Variants in CPE observed in about 807,000 individuals in gnomAD.
The protein encoded by CPE is carbocypeptidase E.
A neutral mutation model predicts 53.5 loss-of-function variants in CPE; 17 were observed. That is an observed-to-expected ratio of 0.32 (90% CI 0.22 to 0.48). The LOEUF is 0.48. Ranked by LOEUF, CPE falls within the 20% of genes least tolerant of loss-of-function variation. The pLI, the probability that CPE is intolerant of heterozygous loss-of-function variation, is 0.99. For missense variants in CPE, 524 were observed against 614.7 expected (o/e 0.85, Z 1.56); for synonymous variants, 226 against 228.8 (o/e 0.99, Z 0.11).
At chr4:165,453,354 TTCTC>T (rs796527765) in intron 1 of CPE, among the ~76,000 whole-genome samples, 10 of 148,850 alleles carry the variant, frequency 6.7e-5, no homozygotes, top group South Asian at 2.1e-4. Flanking sequence ...CTTCCTTCCT[TTCTC>T]TCTCTCTCTC....
chr4:165,417,569 T>A (rs1018984110), intron 1 of CPE, among the ~76,000 whole-genome samples: 8 of 151,492 alleles, frequency 5.3e-5, no homozygotes, highest in East Asian at 1.9e-4. Flanking sequence ...TTTTTTTTTT[T>A]ATCATTAGCT....
At chr4:165,406,921 C>T (rs557875394) in intron 1 of CPE, among the ~76,000 whole-genome samples, 15 of 152,260 alleles carry the variant, frequency 9.9e-5, no homozygotes, top group African/African-American at 2.9e-4. Context: ...CAAGGTTCAC[C>T]CATGTTGTAG....
At chr4:165,380,172 G>C (rs990379619) in intron 1 of CPE, among the ~76,000 whole-genome samples, 1 of 152,178 alleles carries the variant, frequency 6.6e-6, no homozygotes, top group Non-Finnish European at 1.5e-5. Flanking sequence ...TGGGGTGGTG[G>C]TGTATAAAGA....
At chr4:165,493,944 A>G (rs1324610547) in intron 7 of CPE, among the ~76,000 whole-genome samples, 1 of 152,200 alleles carries the variant, frequency 6.6e-6, no homozygotes, top group Admixed American at 6.6e-5. Flanking sequence ...GATCTTTTCA[A>G]TAATGACAAC....
At chr4:165,468,294 G>C (rs1240643869) in intron 3 of CPE, among the ~76,000 whole-genome samples, 4 of 151,700 alleles carry the variant, frequency 2.6e-5, no homozygotes. Flanking sequence ...TTCTACCTGG[G>C]CATAAATGCT....
At chr4:165,380,264 T>C (rs1474143461) in intron 1 of CPE, among the ~76,000 whole-genome samples, 3 of 152,132 alleles carry the variant, frequency 2.0e-5, no homozygotes, top group Non-Finnish European at 4.4e-5. Flanking sequence ...ACAAGGCCTT[T>C]CCAAGGAAAA....
intron 1 of CPE, among the ~76,000 whole-genome samples, chr4:165,452,603 T>TG (rs1731831702): frequency 6.6e-6 from 1 of 152,154 alleles, no homozygotes; most frequent in Non-Finnish European, 1.5e-5. Context: ...TTTGCAAATG[T>TG]GGGGGAAGAT....
chr4:165,453,239 G>A (rs1731843685), intron 1 of CPE, among the ~76,000 whole-genome samples: 1 of 152,006 alleles, frequency 6.6e-6, no homozygotes. Context: ...ATGAAGGCAT[G>A]AGCCACCATG....
intron 1 of CPE, among the ~76,000 whole-genome samples, chr4:165,428,787 T>C (rs1731362620): frequency 6.6e-6 from 1 of 152,176 alleles, no homozygotes; most frequent in African/African-American, 2.4e-5. Context: ...GTATTCTCTT[T>C]TTCTGTGCTT....
At chr4:165,425,077 C>T (rs1731295844) in intron 1 of CPE, among the ~76,000 whole-genome samples, 1 of 151,870 alleles carries the variant, frequency 6.6e-6, no homozygotes, top group Non-Finnish European at 1.5e-5. Context: ...GGGGTGTCAT[C>T]ATGTTGGTCA....
At chr4:165,483,000 TG>T (rs1180863484) in intron 4 of CPE, among the ~76,000 whole-genome samples, 2 of 151,702 alleles carry the variant, frequency 1.3e-5, no homozygotes, top group African/African-American at 2.4e-5. Flanking sequence ...ATGATTAGTT[TG>T]TTTTTTTTTT....
chr4:165,392,235 A>AGT (rs963903933), intron 1 of CPE, among the ~76,000 whole-genome samples: 2 of 147,070 alleles, frequency 1.4e-5, no homozygotes, highest in African/African-American at 4.9e-5. Flanking sequence ...ACTAATATAT[A>AGT]GTGTATATAT....
At chr4:165,417,016 G>T (rs1311651399) in intron 1 of CPE, among the ~76,000 whole-genome samples, 1 of 152,072 alleles carries the variant, frequency 6.6e-6, no homozygotes, top group Non-Finnish European at 1.5e-5. Flanking sequence ...ACTGGAGTTA[G>T]GTTTTATTTA....
At chr4:165,450,839 A>G (rs1361908973) in intron 1 of CPE, among the ~76,000 whole-genome samples, 1 of 152,240 alleles carries the variant, frequency 6.6e-6, no homozygotes, top group Non-Finnish European at 1.5e-5. Context: ...ATGCCTTTGA[A>G]TGCGTGGGCA....
intron 1 of CPE, among the ~76,000 whole-genome samples, chr4:165,438,581 T>C (rs1207003773): frequency 6.6e-6 from 1 of 152,160 alleles, no homozygotes; most frequent in African/African-American, 2.4e-5. Context: ...TGCTCCTGGG[T>C]CCTACAGTTT....
chr4:165,481,002 A>ATG (rs1374267793), intron 3 of CPE, among the ~76,000 whole-genome samples: 5 of 56,012 alleles, frequency 8.9e-5, no homozygotes, highest in Non-Finnish European at 1.7e-4. Context: ...ATGGATATAT[A>ATG]TATATATATA....
intron 1 of CPE, among the ~76,000 whole-genome samples, chr4:165,444,436 C>A (rs555822355): frequency 6.6e-6 from 1 of 151,554 alleles, no homozygotes; most frequent in African/African-American, 2.4e-5. Flanking sequence ...CCAAGGCAGG[C>A]GAATTGCCTG....
intron 1 of CPE, among the ~76,000 whole-genome samples, chr4:165,446,745 G>A (rs565781489): frequency 2.6e-5 from 4 of 152,178 alleles, no homozygotes; most frequent in Non-Finnish European, 4.4e-5. Context: ...AGGGGGGTGT[G>A]AATTGCTACA....
At chr4:165,460,255 A>T (rs780002351) in intron 1 of CPE, among the ~76,000 whole-genome samples, 1 of 151,040 alleles carries the variant, frequency 6.6e-6, no homozygotes, top group Non-Finnish European at 1.5e-5. Flanking sequence ...GAACGTATTG[A>T]CTCAGAGAGG....
Sources: gnomAD v4.1 joint callset for allele counts (sites outside exome capture counted in the v4.1 genomes callset) on GRCh38, gnomAD v4.1.1 for gene constraint, MANE v1.5 for transcripts, NCBI Gene and HGNC (gene_info 2026-07-23, HGNC 2026-07-21) for gene names.